SHB: variants seen among roughly 807,000 people sequenced by gnomAD.
SHB encodes the protein SH2 domain-containing adapter protein B.
In SHB, 20 loss-of-function variants were observed where a neutral mutation model predicts 52.3. The observed-to-expected ratio is 0.38, with a 90% CI of 0.27 to 0.56. The LOEUF (loss-of-function observed/expected upper bound fraction) is 0.56, where lower values mean the gene tolerates loss of function less well. SHB is among the 20% of genes least tolerant of loss of function. The pLI is 0.71. For synonymous variants in SHB, 397 were observed against 316.5 expected (o/e 1.25, Z -2.70); for missense variants, 825 against 723.3 (o/e 1.14, Z -1.61).
chr9:37,957,314 T>A (rs1832647020), intron 3 of SHB, among the ~76,000 whole-genome samples: 1 of 152,154 alleles, frequency 6.6e-6, no homozygotes, highest in Non-Finnish European at 1.5e-5. Context: ...TCAACCCCCA[T>A]GCTCACAGAA....
At chr9:37,934,178 TC>T (rs573881638) in intron 5 of SHB, among the ~76,000 whole-genome samples, 5 of 151,722 alleles carry the variant, frequency 3.3e-5, no homozygotes, top group African/African-American at 9.7e-5. Context: ...ACCTCCTGAG[TC>T]CCCCCCTCTC....
intron 3 of SHB, among the ~76,000 whole-genome samples, chr9:37,974,249 T>A (rs558725924): frequency 6.6e-6 from 1 of 152,104 alleles, no homozygotes; most frequent in East Asian, 1.9e-4. Context: ...AGAGCGAAAC[T>A]CTGTCTCAAA....
intron 1 of SHB, among the ~76,000 whole-genome samples, chr9:38,044,837 G>A (rs1247508741): frequency 1.3e-5 from 2 of 152,242 alleles, no homozygotes; most frequent in Non-Finnish European, 2.9e-5. Context: ...CAGGCCCCGT[G>A]CAAGGTGCAG....
chr9:38,040,058 T>TA (rs1821554484), intron 1 of SHB, among the ~76,000 whole-genome samples: 3 of 152,020 alleles, frequency 2.0e-5, no homozygotes, highest in Non-Finnish European at 2.9e-5. Context: ...AGCCTGGGGG[T>TA]TTTTCCTCCT....
chr9:38,050,918 T>C (rs1040665278), intron 1 of SHB, among the ~76,000 whole-genome samples: 2 of 152,152 alleles, frequency 1.3e-5, no homozygotes, highest in Non-Finnish European at 2.9e-5. Context: ...AAAAAGAACG[T>C]GCCTTCACTC....
chr9:38,068,506 G>A lies in SHB; in HGVS notation c.140C>T (p.Ala47Val), dbSNP rs753662203. Residue 47 changes from alanine to valine, a missense_variant, in exon 1 of 6, where the codon GCC becomes GTC. Ala to Val is a moderately conservative substitution (Grantham distance 64, BLOSUM62 0). Coordinates refer to ENST00000377707, the MANE Select transcript of SHB (RefSeq NM_003028.3). The part of the protein sequence containing the change: ...PSQPPQAVPQ[A>V]SSAASASCGP... Reference sequence around the variant, plus strand: ...GCAGGACGCCGAGGCGGCGGAGGAGGCCTGCGGCACGGCCTGGGGGGGCTG... The same window carrying A: ...GCAGGACGCCGAGGCGGCGGAGGAGACCTGCGGCACGGCCTGGGGGGGCTG... The A allele has an allele frequency of 6.0e-6, 9 of 1,487,936 alleles. No homozygotes were observed. Among genetic ancestry groups the A allele is most frequent in the Non-Finnish European group, 7.1e-6 (8 of 1,125,982 alleles). The allele number at this position is 1,487,936 out of a possible 1,614,324, so 92.2% of individuals were successfully genotyped here. A position where few individuals can be genotyped will look rare whatever the true frequency, so the allele number is the denominator to read the frequency against.
chr9:37,946,947 C>G (rs1178544780), intron 5 of SHB, among the ~76,000 whole-genome samples: 3 of 152,210 alleles, frequency 2.0e-5, no homozygotes, highest in Non-Finnish European at 4.4e-5. Context: ...TCCTTTACCT[C>G]TCACAGCCCA....
intron 2 of SHB, among the ~76,000 whole-genome samples, chr9:37,981,640 T>G (rs1263103355): frequency 6.6e-6 from 1 of 152,246 alleles, no homozygotes; most frequent in African/African-American, 2.4e-5. Flanking sequence ...TTGGCAGATC[T>G]CGGTTTTTGA....
At chr9:38,016,273 G>T in intron 1 of SHB, 142 bp from the exon 2 acceptor site, 1 of 761,584 alleles carries the variant, frequency 1.3e-6, no homozygotes, top group African/African-American at 1.8e-5. Flanking sequence ...CGGACTCAGG[G>T]AGCTCCACAT....
chr9:38,026,540 T>G (rs1821346210), intron 1 of SHB, among the ~76,000 whole-genome samples: 1 of 152,232 alleles, frequency 6.6e-6, no homozygotes, highest in African/African-American at 2.4e-5. Context: ...AGTCACTCTC[T>G]CTTTATTGAG....
At chr9:38,006,721 G>C (rs1266456357) in intron 2 of SHB, among the ~76,000 whole-genome samples, 1 of 152,194 alleles carries the variant, frequency 6.6e-6, no homozygotes, top group African/African-American at 2.4e-5. Flanking sequence ...CAATCTGTTT[G>C]TTGGGCCCTC....
chr9:37,980,028 G>T (rs561239443), intron 2 of SHB, among the ~76,000 whole-genome samples: 1 of 152,298 alleles, frequency 6.6e-6, no homozygotes, highest in African/African-American at 2.4e-5. Flanking sequence ...TTGCTTTGAT[G>T]TTGCCGGCTG....
intron 1 of SHB, among the ~76,000 whole-genome samples, chr9:38,033,615 C>T (rs1821445369): frequency 6.6e-6 from 1 of 152,168 alleles, no homozygotes; most frequent in African/African-American, 2.4e-5. Flanking sequence ...CGTTACACTC[C>T]CCCTCCCCAT....
In SHB at chr9:38,068,295, G is replaced by T; in HGVS notation, c.351C>A (p.Gly117=). The T allele has an allele frequency of 6.7e-7, 1 of 1,485,344 alleles. No individual in the cohort carries two copies. Among genetic ancestry groups the T allele is most frequent in the East Asian group, 3.0e-5 (1 of 33,778 alleles). The allele number at this position is 1,485,344 out of a possible 1,614,324, so 92.0% of individuals were successfully genotyped here. A position where few individuals can be genotyped will look rare whatever the true frequency, so the allele number is the denominator to read the frequency against. ...RAMCRLDYCG[G]SGEPGGVQRA... ...GCTGGACCCCGCCTGGCTCCCCGCT[G>T]CCGCCGCAGTAGTCCAGGCGGCACA... The change falls in exon 1 of 6, where the codon GGC becomes GGA. Residue 117 remains glycine, a synonymous_variant. Transcript: ENST00000377707.
intron 1 of SHB, among the ~76,000 whole-genome samples, chr9:38,020,947 C>A (rs7047051): frequency 0.18 from 28,107 of 152,102 alleles, 2,711 homozygotes; most frequent in South Asian, 0.24. Flanking sequence ...AGGAAGATCA[C>A]CCGGCTACAG....
intron 1 of SHB, among the ~76,000 whole-genome samples, chr9:38,064,871 C>T (rs890127083): frequency 6.6e-6 from 1 of 152,230 alleles, no homozygotes; most frequent in Non-Finnish European, 1.5e-5. Flanking sequence ...CCGTGGTTCT[C>T]ACTTGTAATC....
At chr9:37,958,082 G>A (rs1158378925) in intron 3 of SHB, among the ~76,000 whole-genome samples, 2 of 152,230 alleles carry the variant, frequency 1.3e-5, no homozygotes, top group Admixed American at 6.5e-5. Context: ...GTGCTGAAAA[G>A]AGATGGAGGC....
chr9:38,058,229 C>T (rs976048376), intron 1 of SHB, among the ~76,000 whole-genome samples: 4 of 152,210 alleles, frequency 2.6e-5, no homozygotes, highest in African/African-American at 4.8e-5. Context: ...CTCTTCCTGA[C>T]GGTTTTCCCC....
rs375857613 is a variant in SHB, at chr9:37,959,188, G to C, written c.1055-3134C>G. Among the ~76,000 whole-genome samples the C allele has an allele frequency of 1.1e-4, 16 of 152,148 alleles. 1 individual carries two copies. Among genetic ancestry groups the C allele is most frequent in the Admixed American group, 5.2e-4 (8 of 15,280 alleles). ...GGATGTAGAAGCTTGACTACTTGTG[G>C]GAGTGAGTCCGGGATAACTGCTGTG... On this transcript the variant is annotated intron_variant, in intron 3 of 5. Coordinates refer to ENST00000377707, the MANE Select transcript of SHB (RefSeq NM_003028.3).
Sources: gnomAD v4.1 joint callset for allele counts (sites outside exome capture counted in the v4.1 genomes callset) on GRCh38, gnomAD v4.1.1 for gene constraint, MANE v1.5 for transcripts, NCBI Gene and HGNC (gene_info 2026-07-23, HGNC 2026-07-21) for gene names.